Variants in ARPP21 observed in about 807,000 individuals in gnomAD.
ARPP21 encodes the protein cAMP regulated phosphoprotein 21.
ARPP21 carries 69 observed loss-of-function variants against 113.2 expected under a neutral mutation model. The ratio of observed to expected loss-of-function variants is 0.61; its 90% CI spans 0.50 to 0.74. The LOEUF (loss-of-function observed/expected upper bound fraction) is 0.74, where lower values mean the gene tolerates loss of function less well. Among genes scored for constraint, ARPP21 ranks in the 30% least tolerant of loss-of-function variants. The probability of loss-of-function intolerance (pLI) is 0.00; values close to 1 mark genes in which losing one functional copy is unlikely to be tolerated. For synonymous variants in ARPP21, 368 were observed against 375.5 expected, an observed-to-expected ratio of 0.98 and a Z score of 0.23; for missense variants, 1,070 against 1,037.4, an observed-to-expected ratio of 1.03 and a Z score of -0.43.
chr3:35,707,047 C>T lies in ARPP21; in HGVS notation c.760C>T (p.Arg254Ter), dbSNP rs772844493. 10 of 1,613,824 alleles carry T rather than the reference C, an allele frequency of 6.2e-6. No homozygotes were observed. Among genetic ancestry groups the T allele is most frequent in the Non-Finnish European group, 7.6e-6 (9 of 1,179,796 alleles). The change falls in exon 10 of 21, where the codon CGA becomes TGA. Residue 254 changes from arginine (R) to a stop codon, truncating the protein, a stop_gained. Coordinates refer to ENST00000684406, the MANE Select transcript of ARPP21 (RefSeq NM_001385562.1). LOFTEE classifies it high-confidence loss of function. Reference protein sequence around the residue: ...EESQKRFILKRDNSSIDKEDN... With the variant: ...EESQKRFILK Reference sequence around the variant, plus strand: ...ATCCCAGAAGCGGTTTATCTTGAAGCGAGATAACTCTAGTATTGATAAAGA... The same window carrying T: ...ATCCCAGAAGCGGTTTATCTTGAAGTGAGATAACTCTAGTATTGATAAAGA...
chr3:35,693,114 T>G (rs956315639), intron 9 of ARPP21, among the ~76,000 whole-genome samples: 5 of 151,576 alleles, frequency 3.3e-5, no homozygotes, highest in Non-Finnish European at 5.9e-5. Context: ...GAGTTGAAAG[T>G]AAGTGTGTGC....
At chr3:35,654,560 C>T in intron 1 of ARPP21, among the ~76,000 whole-genome samples, 1 of 152,082 alleles carries the variant, frequency 6.6e-6, no homozygotes, top group East Asian at 1.9e-4. Flanking sequence ...CCCATGTGAG[C>T]TTTCTTCGCA....
Position 35,717,501 on chromosome 3 carries a change from G to C in ARPP21, c.995+144G>C, listed in dbSNP as rs959590571. ...CTTTGTAAAGCTTGTTAAATAGCTA[G>C]CGTGGAAGTCATATTGGGTAGTATG... On this transcript the variant is annotated intron_variant, in intron 13 of 20. Coordinates refer to ENST00000684406, the MANE Select transcript of ARPP21 (RefSeq NM_001385562.1). 109 of 580,242 alleles carry C rather than the reference G, an allele frequency of 1.9e-4. 2 individuals carry two copies. Among genetic ancestry groups the C allele is most frequent in the Non-Finnish European group, 1.9e-5 (6 of 321,726 alleles). The allele number at this position is 580,242 out of a possible 1,614,324, so 35.9% of individuals were successfully genotyped here.
chr3:35,677,094 C>T (rs558836508), intron 1 of ARPP21, among the ~76,000 whole-genome samples: 2 of 151,892 alleles, frequency 1.3e-5, no homozygotes, highest in East Asian at 1.9e-4. Flanking sequence ...AATATTCGTC[C>T]TTCTCTTGTT....
At chr3:35,769,064 G>A (rs2096096022) in intron 19 of ARPP21, among the ~76,000 whole-genome samples, 1 of 151,994 alleles carries the variant, frequency 6.6e-6, no homozygotes, top group African/African-American at 2.4e-5. Flanking sequence ...CTCACTCTCT[G>A]TCTATACATA....
Position 35,747,255 on chromosome 3 carries a change from T to C in ARPP21, c.2137+3290T>C, listed in dbSNP as rs573389237. Among the ~76,000 whole-genome samples the C allele has an allele frequency of 2.1e-4, 31 of 149,748 alleles. No individual in the cohort carries two copies. The South Asian group carries it at 6.1e-3, about 30-fold the overall frequency. ...TGTAATCCCAGCTACTTGGGGAGGC[T>C]GAGGCAGGAGAATCGCTTGAACCTG... is the stretch of plus-strand genomic sequence containing the variant. On this transcript the variant is annotated intron_variant, in intron 19 of 20. Transcript: ENST00000684406.
rs538235740 is a variant in ARPP21 at position 35,681,570 on chromosome 3, ATTTCATCTTG to A, written c.-38-140_-38-131del. On this transcript the variant is annotated intron_variant, in intron 2 of 20. Transcript: ENST00000684406. Reference sequence around the variant, plus strand: ...CTCTTGTGCATGCCTTGGGTACTTGATTTCATCTTGTTTTTTCCCCCTTTTGTATAAAATT... The same window carrying A: ...CTCTTGTGCATGCCTTGGGTACTTGATTTTTTCCCCCTTTTGTATAAAATT... 4.3e-3 allele frequency: 2,401 copies of A among 560,934 alleles called. 10 individuals carry two copies. The highest frequency in any genetic ancestry group is 5.9e-3 in the Non-Finnish European group (1,851 of 314,602). 34.7% of individuals were successfully genotyped at this position (560,934 alleles called of 1,614,324 possible).
intron 1 of ARPP21, among the ~76,000 whole-genome samples, chr3:35,648,073 C>A (rs1046026710): frequency 6.6e-6 from 1 of 152,046 alleles, no homozygotes; most frequent in Non-Finnish European, 1.5e-5. Flanking sequence ...CATTGCTATC[C>A]CATAATGTTT....
chr3:35,736,419 G>A (rs2150669539), intron 15 of ARPP21, among the ~76,000 whole-genome samples: 1 of 152,090 alleles, frequency 6.6e-6, no homozygotes, highest in East Asian at 1.9e-4. Flanking sequence ...TTCCTCACAG[G>A]AATTGTGATG....
At chr3:35,658,091 G>T (rs1284578027) in intron 1 of ARPP21, among the ~76,000 whole-genome samples, 3 of 152,026 alleles carry the variant, frequency 2.0e-5, no homozygotes, top group Non-Finnish European at 4.4e-5. Flanking sequence ...GTTTTTACAT[G>T]GTTTGGCATC....
chr3:35,780,538 G>T (rs1006445263), intron 19 of ARPP21, among the ~76,000 whole-genome samples: 4 of 151,870 alleles, frequency 2.6e-5, no homozygotes, highest in African/African-American at 9.7e-5. Context: ...GGCCTCCCCC[G>T]CAGTGTAATT....
intron 13 of ARPP21, among the ~76,000 whole-genome samples, chr3:35,718,560 T>C (rs1252363756): frequency 1.3e-5 from 2 of 152,082 alleles, no homozygotes; most frequent in South Asian, 2.1e-4. Flanking sequence ...AGCTACCATA[T>C]ACTCAGGTTA....
intron 9 of ARPP21, among the ~76,000 whole-genome samples, chr3:35,697,002 C>A (rs1301911381): frequency 6.6e-6 from 1 of 151,502 alleles, no homozygotes; most frequent in Non-Finnish European, 1.5e-5. Flanking sequence ...TTAGAGTGTA[C>A]CATTGGAGAC....
intron 2 of ARPP21, 134 bp downstream of exon 2, chr3:35,680,094 T>C (rs1189278827): frequency 6.6e-6 from 1 of 152,312 alleles, no homozygotes; most frequent in Non-Finnish European, 1.5e-5. Context: ...ATTTGGCTTG[T>C]AGTTTGGAGA....
At chr3:35,661,616 G>A (rs1707842871) in intron 1 of ARPP21, among the ~76,000 whole-genome samples, 1 of 152,088 alleles carries the variant, frequency 6.6e-6, no homozygotes, top group Non-Finnish European at 1.5e-5. Context: ...CTTATGACCG[G>A]CTATAAAATT....
intron 19 of ARPP21, among the ~76,000 whole-genome samples, chr3:35,783,654 A>T (rs2096571497): frequency 3.3e-5 from 5 of 152,124 alleles, no homozygotes; most frequent in Admixed American, 3.3e-4. Context: ...GTTTTATGAA[A>T]TGGCTGTTGA....
chr3:35,751,378 A>G (rs1202958092), intron 19 of ARPP21, among the ~76,000 whole-genome samples: 1 of 152,140 alleles, frequency 6.6e-6, no homozygotes, highest in Non-Finnish European at 1.5e-5. Context: ...GCCATGAAAA[A>G]GAAATCCTAA....
intron 1 of ARPP21, among the ~76,000 whole-genome samples, chr3:35,665,948 A>C (rs2074260452): frequency 6.6e-6 from 1 of 152,118 alleles, no homozygotes; most frequent in Admixed American, 6.5e-5. Context: ...TGTGGTTTCT[A>C]AAACACCCAG....
intron 9 of ARPP21, among the ~76,000 whole-genome samples, chr3:35,701,499 T>A (rs563961476): frequency 6.6e-6 from 1 of 151,862 alleles, no homozygotes; most frequent in South Asian, 2.1e-4. Context: ...ATAATCAAGC[T>A]CACGCACCTA....
Sources: gnomAD v4.1 joint callset for allele counts (sites outside exome capture counted in the v4.1 genomes callset) on GRCh38, gnomAD v4.1.1 for gene constraint, MANE v1.5 for transcripts, NCBI Gene and HGNC (gene_info 2026-07-23, HGNC 2026-07-21) for gene names.